The following DLG2 variants were observed in gnomAD, a reference collection of about 807,000 sequenced individuals.
DLG2 encodes the protein discs large MAGUK scaffold protein 2, also known as disks large homolog 2.
In DLG2, 45 loss-of-function variants were observed where a neutral mutation model predicts 132.5. The ratio of observed to expected loss-of-function variants is 0.34; its 90% CI spans 0.27 to 0.44. The LOEUF is 0.44. Ranked by LOEUF, DLG2 falls within the 20% of genes least tolerant of loss-of-function variation. The pLI, the probability that DLG2 is intolerant of heterozygous loss-of-function variation, is 1.00. For missense variants in DLG2, 1,045 were observed against 1,196.9 expected (o/e 0.87, Z 1.87); for synonymous variants, 424 against 419.6 (o/e 1.01, Z -0.13).
At chr11:83,808,991 C>G (rs185281540) in intron 17 of DLG2, among the ~76,000 whole-genome samples, 1 of 152,110 alleles carries the variant, frequency 6.6e-6, no homozygotes, top group African/African-American at 2.4e-5. Context: ...CCTCCTCCTG[C>G]AGCTGGTCTC....
rs142933419 is a variant in DLG2 at position 84,899,090 on chromosome 11, T to G, written c.357+212571A>C. Among the ~76,000 whole-genome samples the G allele has an allele frequency of 3.3e-5, 5 of 152,112 alleles. No individual in the cohort carries two copies. In the East Asian group the frequency reaches 9.7e-4, roughly 29 times the overall value. On this transcript the variant is annotated intron_variant, in intron 6 of 27. Coordinates refer to ENST00000376104, the MANE Select transcript of DLG2 (RefSeq NM_001142699.3). ...TAGGCTTCAATTCCGGCCAACAGAATAGATCACTAAATAATCTTCTATAAA... is the reference window on the plus strand; with the variant it reads ...TAGGCTTCAATTCCGGCCAACAGAAGAGATCACTAAATAATCTTCTATAAA...
At chr11:84,236,942 T>C (rs994482041) in intron 8 of DLG2, among the ~76,000 whole-genome samples, 11 of 151,642 alleles carry the variant, frequency 7.3e-5, no homozygotes, top group Admixed American at 5.9e-4. Context: ...TTTGTTTTTT[T>C]TTTTGAGATG....
chr11:85,017,795 C>T (rs2059694709), intron 6 of DLG2, among the ~76,000 whole-genome samples: 1 of 152,136 alleles, frequency 6.6e-6, no homozygotes, highest in Admixed American at 6.5e-5. Flanking sequence ...TTGAAGAACA[C>T]ATTTGCCCCA....
At chr11:85,353,291 C>T (rs1436777982) in intron 3 of DLG2, among the ~76,000 whole-genome samples, 1 of 152,104 alleles carries the variant, frequency 6.6e-6, no homozygotes, top group Admixed American at 6.6e-5. Context: ...CAATGAGATA[C>T]CATCTCACAC....
At chr11:85,608,881 GC>G (rs781515973) in intron 2 of DLG2, among the ~76,000 whole-genome samples, 1 of 152,106 alleles carries the variant, frequency 6.6e-6, no homozygotes, top group Non-Finnish European at 1.5e-5. Flanking sequence ...TCAAACCCTG[GC>G]CTTTAATGAA....
At chr11:83,483,884 A>G (rs966170306) in intron 22 of DLG2, among the ~76,000 whole-genome samples, 5 of 152,138 alleles carry the variant, frequency 3.3e-5, no homozygotes, top group Admixed American at 3.3e-4. Flanking sequence ...TCAAAGATAA[A>G]TGTTGGTTGG....
In DLG2 at chr11:84,632,259, CT is replaced by C. The variant is rs564941255; in HGVS notation, c.358-97529del. ...GACTCCAGAACTCTTTTCAGTCTTGCTTTTTTTTTTTCCAAGACAGAAGCAG... is the reference window on the plus strand; with the variant it reads ...GACTCCAGAACTCTTTTCAGTCTTGCTTTTTTTTTTCCAAGACAGAAGCAG... On this transcript the variant is annotated intron_variant, in intron 6 of 27. Coordinates refer to ENST00000376104, the MANE Select transcript of DLG2 (RefSeq NM_001142699.3). Among the ~76,000 whole-genome samples the C allele has an allele frequency of 4.0e-3, 583 of 146,848 alleles. 1 individual carries two copies. Among genetic ancestry groups the C allele is most frequent in the African/African-American group, 8.2e-3 (329 of 40,286 alleles).
intron 6 of DLG2, among the ~76,000 whole-genome samples, chr11:85,003,353 C>A (rs2058374802): frequency 6.6e-6 from 1 of 151,952 alleles, no homozygotes; most frequent in South Asian, 2.1e-4. Context: ...GTAGTTAATA[C>A]CACATGGAAA....
chr11:85,271,963 T>C (rs189876979), intron 4 of DLG2, among the ~76,000 whole-genome samples: 1 of 152,240 alleles, frequency 6.6e-6, no homozygotes, highest in African/African-American at 2.4e-5. Flanking sequence ...GCATGATTAG[T>C]TTTGAAATGT....
chr11:85,611,107 C>T (rs1043334600), intron 2 of DLG2, among the ~76,000 whole-genome samples: 2 of 152,170 alleles, frequency 1.3e-5, no homozygotes, highest in South Asian at 4.1e-4. Flanking sequence ...CTCTTGGAGT[C>T]CTTACGCAGG....
At chr11:85,093,998 A>C (rs1197638338) in intron 6 of DLG2, among the ~76,000 whole-genome samples, 1 of 152,260 alleles carries the variant, frequency 6.6e-6, no homozygotes, top group East Asian at 1.9e-4. Flanking sequence ...AATATGATGC[A>C]GCTATCCTGC....
chr11:84,185,949 G>A (rs934828856), intron 8 of DLG2, among the ~76,000 whole-genome samples: 78 of 151,996 alleles, frequency 5.1e-4, no homozygotes, highest in African/African-American at 1.7e-3. Context: ...AAAACTCTTC[G>A]TTATCAGTTC....
intron 18 of DLG2, among the ~76,000 whole-genome samples, chr11:83,711,595 A>G (rs2085440851): frequency 6.6e-6 from 1 of 152,202 alleles, no homozygotes; most frequent in Non-Finnish European, 1.5e-5. Flanking sequence ...TGACCAAGGT[A>G]ACTACCCAGC....
At chr11:85,455,733 G>A (rs994618329) in intron 3 of DLG2, among the ~76,000 whole-genome samples, 1 of 152,070 alleles carries the variant, frequency 6.6e-6, no homozygotes, top group Non-Finnish European at 1.5e-5. Flanking sequence ...TTTACATAAA[G>A]GGATGTTAAA....
chr11:84,248,403 C>A (rs948683181), intron 8 of DLG2, among the ~76,000 whole-genome samples: 1 of 151,786 alleles, frequency 6.6e-6, no homozygotes, highest in South Asian at 2.1e-4. Context: ...ATTATAAGTC[C>A]TCTCTTATAG....
intron 6 of DLG2, among the ~76,000 whole-genome samples, chr11:84,602,404 A>T (rs1377760156): frequency 6.6e-6 from 1 of 152,006 alleles, no homozygotes; most frequent in Non-Finnish European, 1.5e-5. Flanking sequence ...TAAAGTAATT[A>T]TATTAAATAA....
chr11:84,153,548 ATTT>A (rs889021901), intron 9 of DLG2, among the ~76,000 whole-genome samples: 7 of 151,746 alleles, frequency 4.6e-5, no homozygotes, highest in Non-Finnish European at 8.8e-5. Flanking sequence ...AAAAAAAAAT[ATTT>A]TTTCTTTATT....
intron 3 of DLG2, among the ~76,000 whole-genome samples, chr11:85,552,261 C>CA (rs1214127355): frequency 6.6e-6 from 1 of 151,272 alleles, no homozygotes; most frequent in African/African-American, 2.4e-5. Context: ...AAAATATTAA[C>CA]AAAAAAATGG....
chr11:85,242,267 GT>G (rs1337761169), intron 4 of DLG2, among the ~76,000 whole-genome samples: 2 of 151,086 alleles, frequency 1.3e-5, no homozygotes, highest in Non-Finnish European at 3.0e-5. Flanking sequence ...TATCATTTTG[GT>G]TTTTTTTCCT....
Sources: gnomAD v4.1 joint callset for allele counts (sites outside exome capture counted in the v4.1 genomes callset) on GRCh38, gnomAD v4.1.1 for gene constraint, MANE v1.5 for transcripts, NCBI Gene and HGNC (gene_info 2026-07-23, HGNC 2026-07-21) for gene names.